The following STK17B variants were observed in gnomAD, a reference collection of about 807,000 sequenced individuals.
STK17B encodes serine/threonine kinase 17b, also known as serine/threonine-protein kinase 17B.
Under a neutral mutation model 42.0 loss-of-function variants are expected in STK17B, and 21 were observed. That is an observed-to-expected ratio of 0.50 (90% confidence interval 0.35 to 0.72). The LOEUF is 0.72. STK17B is among the 30% of genes least tolerant of loss of function. The probability of loss-of-function intolerance (pLI) is 0.00; values close to 1 mark genes in which losing one functional copy is unlikely to be tolerated. For missense variants in STK17B, 349 were observed against 446.0 expected, an observed-to-expected ratio of 0.78 and a Z score of 1.96; for synonymous variants, 143 against 148.4, an observed-to-expected ratio of 0.96 and a Z score of 0.26.
At position 196,139,373 on chromosome 2, in the gene STK17B, T is replaced by C. The variant is rs76060022; in HGVS notation, c.836+247A>G. ...TTTAGGTAATTTCAGGGATTAGTAG[T>C]GGTTTGTGAGAGAAGTAACTCAAAT... On this transcript the variant is annotated intron_variant, in intron 7 of 7. Coordinates refer to ENST00000263955, the MANE Select transcript of STK17B (RefSeq NM_004226.4). 0.02 allele frequency among the ~76,000 whole-genome samples: 2,998 copies of C among 152,336 alleles called. 258 individuals are homozygous for C. The East Asian group carries it at 0.27, about 14-fold the overall frequency.
At position 196,134,344 on chromosome 2, in the gene STK17B, A is replaced by C. The variant is rs1699365910; in HGVS notation, c.*3103T>G. ...GGGCGGTGCCAAGCATTACTGCCTG[A>C]GCTCAGTTTCCTGTTAGATCAGCCA... is the stretch of plus-strand genomic sequence containing the variant. On this transcript the variant is annotated 3_prime_UTR_variant, in exon 8 of 8. Coordinates refer to ENST00000263955, the MANE Select transcript of STK17B (RefSeq NM_004226.4). 6.8e-6 allele frequency: 1 copy of C among 146,472 alleles called. No individual in the cohort carries two copies. The highest frequency in any genetic ancestry group is 2.0e-4 in the East Asian group (1 of 4,886). The allele number at this position is 146,472 out of a possible 1,614,324, so 9.1% of individuals were successfully genotyped here. A position where few individuals can be genotyped will look rare whatever the true frequency, so the allele number is the denominator to read the frequency against.
chr2:196,141,448 T>A (rs1699492468), intron 5 of STK17B, 151 bp from the exon 6 acceptor site: 1 of 615,302 alleles, frequency 1.6e-6, no homozygotes, highest in African/African-American at 1.9e-5. Context: ...TCACCTGAGA[T>A]CACAGTTCGA....
intron 2 of STK17B, among the ~76,000 whole-genome samples, chr2:196,160,050 T>C (rs16845987): frequency 0.036 from 5,450 of 152,250 alleles, 313 homozygotes; most frequent in African/African-American, 0.12. Flanking sequence ...AGTTTAAAAG[T>C]ATAAAAAATG....
intron 1 of STK17B, among the ~76,000 whole-genome samples, chr2:196,169,001 CAGA>C (rs1042247584): frequency 7.3e-5 from 11 of 151,466 alleles, no homozygotes; most frequent in African/African-American, 2.7e-4. Context: ...CCATACAGTG[CAGA>C]AGATTTCTTT....
chr2:196,142,778 A>G (rs1217941349), intron 5 of STK17B, among the ~76,000 whole-genome samples: 2 of 152,164 alleles, frequency 1.3e-5, no homozygotes, highest in Non-Finnish European at 1.5e-5. Flanking sequence ...TCTGCTTTTT[A>G]TTTTTGGAAA....
rs986224793 is a variant in STK17B at position 196,136,752 on chromosome 2, G to C, written c.*695C>G. On this transcript the variant is annotated 3_prime_UTR_variant, in exon 8 of 8. Coordinates refer to ENST00000263955, the MANE Select transcript of STK17B (RefSeq NM_004226.4). ...ACCTTATCAGATCTCAAGTAGGTTG[G>C]GAGGAGGAAAAAGACATTTGCGTTA... The C allele has an allele frequency of 3.3e-5, 5 of 152,012 alleles. No individual in the cohort carries two copies. Among genetic ancestry groups the C allele is most frequent in the African/African-American group, 9.7e-5 (4 of 41,380 alleles). The allele number at this position is 152,012 out of a possible 1,614,324, so 9.4% of individuals were successfully genotyped here. A position where few individuals can be genotyped will look rare whatever the true frequency, so the allele number is the denominator to read the frequency against.
At chr2:196,172,725 G>A (rs1699963126), upstream of STK17B, among the ~76,000 whole-genome samples, 1 of 152,162 alleles carries the variant, frequency 6.6e-6, no homozygotes, top group Admixed American at 6.5e-5. Context: ...ATAATGTCTT[G>A]CCCCTAAACC....
At chr2:196,141,587 A>G (rs2105678345) in intron 5 of STK17B, among the ~76,000 whole-genome samples, 2 of 152,330 alleles carry the variant, frequency 1.3e-5, no homozygotes, top group Middle Eastern at 6.8e-3. Flanking sequence ...TGAACCCGGG[A>G]GGCATAGGTT....
chr2:196,150,114 GCA>G (rs1245669632), intron 3 of STK17B, among the ~76,000 whole-genome samples: 1 of 141,610 alleles, frequency 7.1e-6, no homozygotes, highest in Non-Finnish European at 1.5e-5. Context: ...AGAAACAGAA[GCA>G]GTGAGTAGCA....
At chr2:196,151,309 T>C (rs1288710609) in intron 3 of STK17B, 1 of 151,572 alleles carries the variant, frequency 6.6e-6, no homozygotes, top group African/African-American at 2.4e-5. Context: ...AGTGGTGTGA[T>C]CTCGGCTCAC....
rs1363767714 is a variant in STK17B, at chr2:196,151,808, A to G, written c.335+4631T>C. 2.0e-5 allele frequency among the ~76,000 whole-genome samples: 3 copies of G among 152,218 alleles called. No individual in the cohort carries two copies. The East Asian group carries it at 5.8e-4, about 29-fold the overall frequency. ...TAATACTACCTTCCAGAAAAGTAAG[A>G]TTTATATTACTTTCTGAAGAAATAA... On this transcript the variant is annotated intron_variant, in intron 3 of 7. Transcript: ENST00000263955.
Position 196,134,017 on chromosome 2 carries a change from T to C in STK17B, c.*3430A>G, listed in dbSNP as rs777473721. On this transcript the variant is annotated 3_prime_UTR_variant, in exon 8 of 8. Coordinates refer to ENST00000263955, the MANE Select transcript of STK17B (RefSeq NM_004226.4). ...AGATATCAAACTGAAAATTCAAAAA[T>C]AAACAGAAGAAATGTAAACAGTTCT... 5.3e-5 allele frequency: 8 copies of C among 152,258 alleles called. No individual in the cohort carries two copies. Among genetic ancestry groups the C allele is most frequent in the Non-Finnish European group, 8.8e-5 (6 of 67,998 alleles). 9.4% of individuals were successfully genotyped at this position (152,258 alleles called of 1,614,324 possible). A position where few individuals can be genotyped will look rare whatever the true frequency, so the allele number is the denominator to read the frequency against.
chr2:196,160,088 T>G (rs939502240), intron 2 of STK17B, among the ~76,000 whole-genome samples: 1 of 152,194 alleles, frequency 6.6e-6, no homozygotes, highest in South Asian at 2.1e-4. Context: ...CTATTCCAAA[T>G]GTAATTGAAA....
chr2:196,157,429 T>C (rs1699754561), intron 2 of STK17B, among the ~76,000 whole-genome samples: 1 of 152,164 alleles, frequency 6.6e-6, no homozygotes, highest in South Asian at 2.1e-4. Context: ...GAAATTAAAG[T>C]GAATGCAAAA....
In STK17B at chr2:196,147,736, A is replaced by ATT. The variant is rs71009081; in HGVS notation, c.336-1683_336-1682dup. Among the ~76,000 whole-genome samples, 119 of 148,832 alleles carry ATT rather than the reference A, an allele frequency of 8.0e-4. 4 individuals carry two copies. In the East Asian group the frequency reaches 0.022, roughly 28 times the overall value. On this transcript the variant is annotated intron_variant, in intron 3 of 7. Coordinates refer to ENST00000263955, the MANE Select transcript of STK17B (RefSeq NM_004226.4). ...GCTGTAAATTCATGAGACATAATATATTTTTTTTTTTTTTGAGATGGAGTT... is the reference window on the plus strand; with the variant it reads ...GCTGTAAATTCATGAGACATAATATATTTTTTTTTTTTTTTTGAGATGGAGTT...
intron 1 of STK17B, among the ~76,000 whole-genome samples, chr2:196,166,510 G>T (rs972990368): frequency 6.6e-6 from 1 of 152,110 alleles, no homozygotes; most frequent in African/African-American, 2.4e-5. Context: ...AAGGGACCTG[G>T]TAAGTAAATT....
At chr2:196,145,612 C>T (rs531895131) in intron 4 of STK17B, among the ~76,000 whole-genome samples, 21 of 152,192 alleles carry the variant, frequency 1.4e-4, no homozygotes, top group African/African-American at 4.8e-4. Context: ...ATAAGAAGGT[C>T]CAGGATGTGG....
chr2:196,172,426 G>C (rs1184467321), upstream of STK17B, among the ~76,000 whole-genome samples: 1 of 152,202 alleles, frequency 6.6e-6, no homozygotes, highest in Non-Finnish European at 1.5e-5. Flanking sequence ...GATTAGTTAT[G>C]TAATCTAGGA....
intron 2 of STK17B, among the ~76,000 whole-genome samples, chr2:196,158,581 T>C (rs1449213424): frequency 6.6e-6 from 1 of 152,204 alleles, no homozygotes; most frequent in Non-Finnish European, 1.5e-5. Flanking sequence ...AATTTTATAC[T>C]GGATAAATTG....
Sources: allele counts gnomAD v4.1 joint callset (sites outside exome capture counted in the v4.1 genomes callset), GRCh38; gene constraint gnomAD v4.1.1; transcripts MANE v1.5; gene names NCBI Gene and HGNC (gene_info 2026-07-23, HGNC 2026-07-21).